Variants in LAMA2 observed in about 807,000 individuals in gnomAD.
The protein encoded by LAMA2 is laminin subunit alpha-2.
Under a neutral mutation model 364.8 loss-of-function variants are expected in LAMA2, and 269 were observed. The ratio of observed to expected loss-of-function variants is 0.74; its 90% confidence interval spans 0.67 to 0.82. The LOEUF is 0.82. LAMA2 is among the 40% of genes least tolerant of loss of function. The probability of loss-of-function intolerance (pLI) is 0.00; values close to 1 mark genes in which losing one functional copy is unlikely to be tolerated. For missense variants in LAMA2, 3,807 were observed against 3,873.2 expected, an observed-to-expected ratio of 0.98 and a Z score of 0.45; for synonymous variants, 1,379 against 1,370.6, an observed-to-expected ratio of 1.01 and a Z score of -0.14.
At chr6:129,070,028 G>C (rs1453246081) in intron 3 of LAMA2, among the ~76,000 whole-genome samples, 1 of 151,924 alleles carries the variant, frequency 6.6e-6, no homozygotes, top group Non-Finnish European at 1.5e-5. Flanking sequence ...GCAAAAAAAG[G>C]CTGGAGTGAG....
intron 3 of LAMA2, among the ~76,000 whole-genome samples, chr6:129,064,728 A>G (rs557374820): frequency 3.2e-4 from 48 of 152,296 alleles, no homozygotes; most frequent in African/African-American, 1.1e-3. Context: ...GAAATAGATA[A>G]CATGAGCAGA....
intron 2 of LAMA2, 74 bp from the exon 3 acceptor site, chr6:129,059,710 C>A: frequency 1.1e-6 from 1 of 911,830 alleles, no homozygotes; most frequent in Non-Finnish European, 1.8e-6. Flanking sequence ...TTTTTTTTTA[C>A]TTTAAAGAAA....
intron 37 of LAMA2, 47 bp from the exon 38 acceptor site, chr6:129,401,177 A>G (rs769712525): frequency 8.4e-7 from 1 of 1,195,830 alleles, no homozygotes; most frequent in Non-Finnish European, 1.2e-6. Context: ...AAGGGGTAGG[A>G]TTTTATGAAA....
chr6:129,395,190 G>C (rs1447997800), intron 37 of LAMA2, among the ~76,000 whole-genome samples: 1 of 151,772 alleles, frequency 6.6e-6, no homozygotes, highest in Non-Finnish European at 1.5e-5. Flanking sequence ...TGCCTATACA[G>C]GTTCGAGGAA....
chr6:129,378,077 TGTAAA>T (rs1369958555), intron 34 of LAMA2, among the ~76,000 whole-genome samples: 1 of 151,850 alleles, frequency 6.6e-6, no homozygotes, highest in Non-Finnish European at 1.5e-5. Context: ...AAAGGAACAC[TGTAAA>T]GATTGCAGAA....
At chr6:129,144,748 T>C (rs1000612494) in intron 5 of LAMA2, among the ~76,000 whole-genome samples, 4 of 152,034 alleles carry the variant, frequency 2.6e-5, no homozygotes, top group African/African-American at 4.8e-5. Flanking sequence ...GAAAACTGAT[T>C]CTACATACTG....
chr6:129,126,797 G>A (rs892411501), intron 4 of LAMA2, among the ~76,000 whole-genome samples: 1 of 152,086 alleles, frequency 6.6e-6, no homozygotes, highest in Non-Finnish European at 1.5e-5. Flanking sequence ...GATCCGATAG[G>A]GACTGGGCAC....
chr6:129,431,425 A>T (rs1031889135), intron 41 of LAMA2, among the ~76,000 whole-genome samples: 1 of 151,752 alleles, frequency 6.6e-6, no homozygotes, highest in Non-Finnish European at 1.5e-5. Flanking sequence ...ACTAGGTAAC[A>T]TACCTATAAA....
rs755581747 is a variant in LAMA2, at chr6:129,270,693, A to G, written c.2392A>G (p.Lys798Glu). ...TCCTGGTTTCTATGGCGAGCCTACT[A>G]AAGGAACCTCTGAAGACTGTCAACC... ...CLPGFYGEPTKGTSEDCQPCA... is the reference protein window; with the variant it reads ...CLPGFYGEPTEGTSEDCQPCA... The change falls in exon 17 of 65, where the codon AAA becomes GAA. Residue 798 changes from lysine (K) to glutamate (E), a missense_variant. Lys to Glu is a moderately conservative substitution (Grantham distance 56, BLOSUM62 1). Transcript: ENST00000421865. 13 of 1,613,076 alleles carry G rather than the reference A, an allele frequency of 8.1e-6. No homozygotes were observed. Among genetic ancestry groups the G allele is most frequent in the East Asian group, 4.5e-5 (2 of 44,830 alleles).
At chr6:129,448,758 C>T (rs554982272) in intron 45 of LAMA2, among the ~76,000 whole-genome samples, 1 of 152,248 alleles carries the variant, frequency 6.6e-6, no homozygotes, top group South Asian at 2.1e-4. Flanking sequence ...CTTAAAGATA[C>T]TTAATGCTTA....
chr6:129,188,239 A>G (rs1583212842), intron 10 of LAMA2, among the ~76,000 whole-genome samples: 1 of 152,016 alleles, frequency 6.6e-6, no homozygotes. Flanking sequence ...AGTGCCTAGA[A>G]TTCCTACCCT....
At chr6:129,424,166 A>G (rs1372542435) in intron 40 of LAMA2, among the ~76,000 whole-genome samples, 2 of 152,102 alleles carry the variant, frequency 1.3e-5, no homozygotes, top group Non-Finnish European at 2.9e-5. Flanking sequence ...ATATCCATGA[A>G]CAACAACAAA....
chr6:129,056,970 TG>T (rs1324837535), intron 2 of LAMA2, among the ~76,000 whole-genome samples: 1 of 151,576 alleles, frequency 6.6e-6, no homozygotes, highest in Non-Finnish European at 1.5e-5. Flanking sequence ...TGACCTCAGG[TG>T]ATCTGCCCAC....
At position 128,939,120 on chromosome 6, in the gene LAMA2, G is replaced by A. The variant is rs533713462; in HGVS notation, c.112+55763G>A. ...CTTCAATTCCAACTCAGGTTCACAC[G>A]TTTATCACCTAGTGTAGAAGGGCTT... is the stretch of plus-strand genomic sequence containing the variant. On this transcript the variant is annotated intron_variant, in intron 1 of 64. Transcript: ENST00000421865. Among the ~76,000 whole-genome samples the A allele has an allele frequency of 3.9e-5, 6 of 152,096 alleles. No homozygotes were observed. In the South Asian group the frequency reaches 6.2e-4, roughly 16 times the overall value.
intron 29 of LAMA2, among the ~76,000 whole-genome samples, 200 bp downstream of exon 29, chr6:129,328,612 T>C (rs1009798251): frequency 2.6e-5 from 4 of 152,196 alleles, no homozygotes; most frequent in African/African-American, 9.7e-5. Context: ...CCACTGAGCA[T>C]GTCAAGAAAT....
At position 129,353,288 on chromosome 6, in the gene LAMA2, C is replaced by T; in HGVS notation, c.4648C>T (p.Pro1550Ser). 6.2e-7 allele frequency: 1 copy of T among 1,614,096 alleles called. No individual in the cohort carries two copies. Residue 1550 changes from proline (P) to serine (S), a missense_variant, in exon 32 of 65, where the codon CCT becomes TCT. This residue lies in a region of LAMA2 where 3,333 missense variants were observed against 3,345.7 expected (regional missense o/e 1.00). Transcript: ENST00000421865. ...DPVTGFCTCR[P>S]GATGRKCDGC... ...TGTCACAGGATTCTGCACGTGCCGA[C>T]CTGGAGCCACGGGAAGGAAGTGTGA...
intron 12 of LAMA2, among the ~76,000 whole-genome samples, chr6:129,217,628 CAA>C (rs1419270183): frequency 3.3e-5 from 5 of 152,138 alleles, no homozygotes; most frequent in Admixed American, 2.6e-4. Flanking sequence ...CCTATTAAAA[CAA>C]GAGCTGTTTC....
intron 10 of LAMA2, 22 bp downstream of exon 10, chr6:129,177,888 T>A (rs750935442): frequency 6.2e-7 from 1 of 1,610,128 alleles, no homozygotes; most frequent in Non-Finnish European, 8.5e-7. Flanking sequence ...ATTCCAGTAA[T>A]GTCCCACTGT....
chr6:129,083,729 G>A (rs1288276254), intron 3 of LAMA2, among the ~76,000 whole-genome samples: 4 of 152,132 alleles, frequency 2.6e-5, no homozygotes, highest in Admixed American at 6.5e-5. Flanking sequence ...GTTGATACTC[G>A]TGTTCTTTCC....
Sources: allele counts gnomAD v4.1 joint callset (sites outside exome capture counted in the v4.1 genomes callset), GRCh38; gene constraint gnomAD v4.1.1; regional missense constraint gnomAD v4.1.1; transcripts MANE v1.5; gene names NCBI Gene and HGNC (gene_info 2026-07-23, HGNC 2026-07-21).